MLIP: variants seen among roughly 807,000 people sequenced by gnomAD.
The protein encoded by MLIP is muscular LMNA interacting protein.
A neutral mutation model predicts 84.8 loss-of-function variants in MLIP; 79 were observed. The observed-to-expected ratio is 0.93, with a 90% CI of 0.78 to 1.12. The LOEUF (loss-of-function observed/expected upper bound fraction) is 1.12. Among genes scored for constraint, MLIP ranks in the 50% most tolerant of loss-of-function variants. The pLI, the probability that MLIP is intolerant of heterozygous loss-of-function variation, is 0.00. For synonymous variants in MLIP, 504 were observed against 463.0 expected, an observed-to-expected ratio of 1.09 and a Z score of -1.14; for missense variants, 1,257 against 1,160.6, an observed-to-expected ratio of 1.08 and a Z score of -1.21.
intron 1 of MLIP, among the ~76,000 whole-genome samples, chr6:54,059,997 T>C (rs1765876506): frequency 6.6e-6 from 1 of 152,266 alleles, no homozygotes; most frequent in African/African-American, 2.4e-5. Flanking sequence ...TAAAGTTTTA[T>C]CCACAAAAGT....
At chr6:54,151,275 C>A (rs1007248775) in intron 5 of MLIP, among the ~76,000 whole-genome samples, 2 of 151,950 alleles carry the variant, frequency 1.3e-5, no homozygotes, top group African/African-American at 4.8e-5. Context: ...AATATCAAAG[C>A]CTTATCTAAA....
intron 4 of MLIP, among the ~76,000 whole-genome samples, chr6:54,138,627 A>G (rs1482587877): frequency 6.6e-6 from 1 of 152,218 alleles, no homozygotes; most frequent in Admixed American, 6.5e-5. Context: ...GTAGAGATTC[A>G]GGACTATGAT....
upstream of MLIP, among the ~76,000 whole-genome samples, chr6:54,107,200 A>G (rs1482390604): frequency 1.3e-5 from 2 of 152,178 alleles, no homozygotes; most frequent in Non-Finnish European, 2.9e-5. Context: ...TTAATTAAGG[A>G]CTACTGATAT....
Position 54,172,554 on chromosome 6 carries a change from T to C in MLIP, c.2544+2982T>C, listed in dbSNP as rs149465868. On this transcript the variant is annotated intron_variant, in intron 9 of 13. Transcript: ENST00000502396. ...GAGAGGAGGTAGCCAGAGAACCCAT[T>C]GATGTTAAAACCAACTTACAAATTT... Among the ~76,000 whole-genome samples, 1,113 of 151,706 alleles carry C rather than the reference T, an allele frequency of 7.3e-3. 18 individuals carry two copies. Among genetic ancestry groups the C allele is most frequent in the African/African-American group, 0.025 (1,020 of 41,492 alleles).
intron 9 of MLIP, among the ~76,000 whole-genome samples, chr6:54,187,045 T>TA (rs1777466436): frequency 6.6e-6 from 1 of 152,170 alleles, no homozygotes; most frequent in African/African-American, 2.4e-5. Context: ...AAATAATCCC[T>TA]ACCCTACATT....
intron 4 of MLIP, among the ~76,000 whole-genome samples, chr6:54,139,609 A>C (rs1464473976): frequency 3.3e-5 from 5 of 152,172 alleles, no homozygotes; most frequent in African/African-American, 4.8e-5. Context: ...TTGAAAAATT[A>C]ATTAAAATGG....
chr6:54,030,260 C>G (rs1338694902), intron 1 of MLIP, among the ~76,000 whole-genome samples: 1 of 152,100 alleles, frequency 6.6e-6, no homozygotes, highest in Admixed American at 6.5e-5. Context: ...GATGTTATGT[C>G]CTAATCTCAG....
intron 1 of MLIP, among the ~76,000 whole-genome samples, chr6:54,060,201 T>TA (rs773635738): frequency 7.2e-5 from 11 of 152,226 alleles, no homozygotes; most frequent in Non-Finnish European, 1.0e-4. Flanking sequence ...AAGCTATAGT[T>TA]ATCTACTCTA....
chr6:54,149,132 G>C lies in MLIP; in HGVS notation c.2289+5G>C. On this transcript the variant is annotated splice_donor_5th_base_variant and intron_variant, in intron 5 of 13. Transcript: ENST00000502396. ...ACATTGCTTTTGGAACAGAAGGTCA[G>C]TGTTGGCTCAAAAACAGTGAATTTT... The C allele has an allele frequency of 6.2e-7, 1 of 1,609,762 alleles. No homozygotes were observed. The highest frequency in any genetic ancestry group is 1.1e-5 in the South Asian group (1 of 90,280).
At chr6:54,030,960 C>T (rs1764097204) in intron 1 of MLIP, among the ~76,000 whole-genome samples, 1 of 152,072 alleles carries the variant, frequency 6.6e-6, no homozygotes, top group African/African-American at 2.4e-5. Context: ...TAACATGATA[C>T]AAGGAAATGT....
At chr6:54,058,636 T>A (rs1395557934) in intron 1 of MLIP, among the ~76,000 whole-genome samples, 1 of 152,148 alleles carries the variant, frequency 6.6e-6, no homozygotes, top group Admixed American at 6.5e-5. Flanking sequence ...GCTAATAAAA[T>A]CCTCCTTGAG....
upstream of MLIP, among the ~76,000 whole-genome samples, chr6:54,109,167 A>C (rs1769235434): frequency 6.6e-6 from 1 of 151,380 alleles, no homozygotes; most frequent in Non-Finnish European, 1.5e-5. Flanking sequence ...TCTGTTCTTC[A>C]CTGAATAAAG....
At chr6:54,241,521 C>T (rs1781736179) in intron 12 of MLIP, among the ~76,000 whole-genome samples, 1 of 152,018 alleles carries the variant, frequency 6.6e-6, no homozygotes, top group Non-Finnish European at 1.5e-5. Flanking sequence ...TGGTATGCTA[C>T]TTCAGCTATT....
At chr6:54,049,149 C>G (rs1765237059) in intron 1 of MLIP, among the ~76,000 whole-genome samples, 1 of 152,142 alleles carries the variant, frequency 6.6e-6, no homozygotes, top group South Asian at 2.1e-4. Flanking sequence ...GGCTAATGAA[C>G]TAGAATCCTC....
chr6:54,080,941 T>A (rs1188723241), intron 1 of MLIP, among the ~76,000 whole-genome samples: 4 of 151,990 alleles, frequency 2.6e-5, no homozygotes, highest in Non-Finnish European at 4.4e-5. Context: ...CTCTTTCATG[T>A]CCCCTTCCCC....
At chr6:54,035,311 G>T (rs1764365424) in intron 1 of MLIP, among the ~76,000 whole-genome samples, 1 of 152,074 alleles carries the variant, frequency 6.6e-6, no homozygotes. Context: ...TTTTGTTTCT[G>T]AGTATTATTC....
intron 8 of MLIP, among the ~76,000 whole-genome samples, chr6:54,164,536 G>A (rs531711794): frequency 1.3e-5 from 2 of 151,946 alleles, no homozygotes; most frequent in East Asian, 3.9e-4. Flanking sequence ...TTTGACAAAA[G>A]AATCCAATCA....
At chr6:54,093,288 CAG>C (rs975651467) in intron 1 of MLIP, among the ~76,000 whole-genome samples, 37 of 151,310 alleles carry the variant, frequency 2.4e-4, no homozygotes, top group African/African-American at 8.2e-4. Context: ...ATATCTGAAA[CAG>C]AGTCTCTGAA....
chr6:54,035,504 G>T (rs1042345706), intron 1 of MLIP, among the ~76,000 whole-genome samples: 7 of 151,900 alleles, frequency 4.6e-5, no homozygotes, highest in African/African-American at 1.7e-4. Flanking sequence ...TGAGACATAT[G>T]GTAAGTCCAT....
Sources: gnomAD v4.1 joint callset for allele counts (sites outside exome capture counted in the v4.1 genomes callset) on GRCh38, gnomAD v4.1.1 for gene constraint, MANE v1.5 for transcripts, NCBI Gene and HGNC (gene_info 2026-07-23, HGNC 2026-07-21) for gene names.